KIN: variants seen among roughly 807,000 people sequenced by gnomAD.
KIN encodes the protein Kin17 DNA and RNA binding protein, also known as DNA/RNA-binding protein KIN17.
A neutral mutation model predicts 63.0 loss-of-function variants in KIN; 47 were observed. The ratio of observed to expected loss-of-function variants is 0.75; its 90% CI spans 0.59 to 0.95. The LOEUF is 0.95. KIN is among the 40% of genes least tolerant of loss of function. The pLI, the probability that KIN is intolerant of heterozygous loss-of-function variation, is 0.00. For synonymous variants in KIN, 160 were observed against 157.7 expected, an observed-to-expected ratio of 1.01 and a Z score of -0.11; for missense variants, 408 against 460.9, an observed-to-expected ratio of 0.89 and a Z score of 1.05.
chr10:7,775,857 A>G (rs376562722), intron 5 of KIN, 58 bp from the exon 6 acceptor site: 2 of 970,580 alleles, frequency 2.1e-6, no homozygotes, highest in Non-Finnish European at 3.1e-6. Context: ...TCACCATTCA[A>G]TAGGCCTAAA....
chr10:7,779,961 G>A, intron 4 of KIN, 95 bp downstream of exon 4: 2 of 1,347,516 alleles, frequency 1.5e-6, no homozygotes, highest in Non-Finnish European at 2.1e-6. Context: ...GCAAAACACT[G>A]ACCCAATTTT....
chr10:7,766,935 T>C (rs555840495), intron 8 of KIN, among the ~76,000 whole-genome samples: 1 of 151,814 alleles, frequency 6.6e-6, no homozygotes, highest in African/African-American at 2.4e-5. Flanking sequence ...GACGTGAGAA[T>C]TGCTTGAACC....
At chr10:7,768,876 G>A (rs1486241421) in intron 8 of KIN, among the ~76,000 whole-genome samples, 3 of 151,984 alleles carry the variant, frequency 2.0e-5, no homozygotes, top group African/African-American at 7.3e-5. Flanking sequence ...AATTAGCCAG[G>A]TATGGTGGCA....
In KIN at chr10:7,754,166, C is replaced by T. The variant is rs77382085; in HGVS notation, c.*1914G>A. ...GCAACATAGCAAGACCTCATCTCTA[C>T]TAAAAATCAAAAAAATTAGCCAGGC... On this transcript the variant is annotated 3_prime_UTR_variant, in exon 13 of 13. Transcript: ENST00000379562. The T allele has an allele frequency of 2.3e-6, 1 of 443,920 alleles. No individual in the cohort carries two copies. Among genetic ancestry groups the T allele is most frequent in the Non-Finnish European group, 4.5e-6 (1 of 222,014 alleles). 27.5% of individuals were successfully genotyped at this position (443,920 alleles called of 1,614,324 possible).
Position 7,761,819 on chromosome 10 carries a change from C to T in KIN, c.1018+638G>A, listed in dbSNP as rs919881867. ...GAGTCTGAGACCAGCCTGGCCAACA[C>T]AGTGAAGCCCCGTCTTTACTAAAAA... On this transcript the variant is annotated intron_variant, in intron 11 of 12. Coordinates refer to ENST00000379562, the MANE Select transcript of KIN (RefSeq NM_012311.4). Among the ~76,000 whole-genome samples, 11 of 152,074 alleles carry T rather than the reference C, an allele frequency of 7.2e-5. No homozygotes were observed. The East Asian group carries it at 1.7e-3, about 24-fold the overall frequency.
At chr10:7,777,452 T>C (rs528973199) in intron 5 of KIN, among the ~76,000 whole-genome samples, 3 of 152,312 alleles carry the variant, frequency 2.0e-5, no homozygotes, top group African/African-American at 7.2e-5. Flanking sequence ...ACACGTATAT[T>C]TGTAAAAGTT....
chr10:7,765,535 G>A (rs1564316882), intron 9 of KIN, among the ~76,000 whole-genome samples: 1 of 152,086 alleles, frequency 6.6e-6, no homozygotes, highest in Non-Finnish European at 1.5e-5. Context: ...TTAAAATATT[G>A]TTAAATGTTT....
At chr10:7,761,457 A>C (rs1282502371) in intron 11 of KIN, 1 of 152,184 alleles carries the variant, frequency 6.6e-6, no homozygotes, top group Admixed American at 6.5e-5. Flanking sequence ...CCTAAGGGGA[A>C]AAAAAGCAAA....
intron 5 of KIN, 76 bp downstream of exon 5, chr10:7,778,762 C>CA (rs1207239726): frequency 3.4e-6 from 5 of 1,473,642 alleles, no homozygotes; most frequent in South Asian, 1.2e-5. Flanking sequence ...ACAACAAAAA[C>CA]AAAAAAGAAA....
chr10:7,769,056 G>A (rs1290811326), intron 8 of KIN, among the ~76,000 whole-genome samples, 160 bp downstream of exon 8: 1 of 151,982 alleles, frequency 6.6e-6, no homozygotes, highest in Non-Finnish European at 1.5e-5. Flanking sequence ...ACCTATTTAG[G>A]GGGGCTCCAA....
chr10:7,773,094 G>C lies in KIN; in HGVS notation c.668+1737C>G, dbSNP rs559748034. Reference sequence around the variant, plus strand: ...TTGAAGATGCTCGTCTTAAATACTGGAGAGATGCAACCATGAGCCAAGTAA... The same window carrying C: ...TTGAAGATGCTCGTCTTAAATACTGCAGAGATGCAACCATGAGCCAAGTAA... On this transcript the variant is annotated intron_variant, in intron 7 of 12. Transcript: ENST00000379562. Among the ~76,000 whole-genome samples, 3 of 152,304 alleles carry C rather than the reference G, an allele frequency of 2.0e-5. No homozygotes were observed. The South Asian group carries it at 6.2e-4, about 32-fold the overall frequency.
Position 7,763,706 on chromosome 10 carries a change from T to C in KIN, c.918+17A>G, listed in dbSNP as rs1168711523. On this transcript the variant is annotated intron_variant, in intron 10 of 12. Coordinates refer to ENST00000379562, the MANE Select transcript of KIN (RefSeq NM_012311.4). The stretch of plus-strand genomic sequence containing the variant: ...AAGCTTTTTTCACAAATTCCATTCA[T>C]AATTGCACGTCCTTACCTTAACAAT... The C allele has an allele frequency of 3.6e-6, 5 of 1,398,542 alleles. No individual in the cohort carries two copies. Among genetic ancestry groups the C allele is most frequent in the Middle Eastern group, 1.8e-4 (1 of 5,584 alleles). The allele number at this position is 1,398,542 out of a possible 1,614,324, so 86.6% of individuals were successfully genotyped here. A position where few individuals can be genotyped will look rare whatever the true frequency, so the allele number is the denominator to read the frequency against.
chr10:7,759,189 G>C (rs945565537), intron 12 of KIN, among the ~76,000 whole-genome samples: 1 of 152,134 alleles, frequency 6.6e-6, no homozygotes, highest in South Asian at 2.1e-4. Flanking sequence ...AAAACTGACT[G>C]TACTGGAGAT....
At chr10:7,781,587 T>TACACACACAC (rs3036327) in intron 2 of KIN, among the ~76,000 whole-genome samples, 6,135 of 140,546 alleles carry the variant, frequency 0.044, 166 homozygotes, top group Middle Eastern at 0.081. Flanking sequence ...ACCCTGTCTC[T>TACACACACAC]ACACACACAC....
At position 7,775,733 on chromosome 10, in the gene KIN, A is replaced by C. The variant is rs987502009; in HGVS notation, c.607+18T>G. ...AGCATCTATGTTTAAAAAAAGAAAA[A>C]ATAAAAAATAAAACTACCTTTCTCT... is the stretch of plus-strand genomic sequence containing the variant. On this transcript the variant is annotated intron_variant, in intron 6 of 12. Coordinates refer to ENST00000379562, the MANE Select transcript of KIN (RefSeq NM_012311.4). The C allele has an allele frequency of 2.8e-6, 4 of 1,413,412 alleles. No homozygotes were observed. Among genetic ancestry groups the C allele is most frequent in the Non-Finnish European group, 3.9e-6 (4 of 1,031,550 alleles). The allele number at this position is 1,413,412 out of a possible 1,614,324, so 87.6% of individuals were successfully genotyped here. A position where few individuals can be genotyped will look rare whatever the true frequency, so the allele number is the denominator to read the frequency against.
chr10:7,767,047 T>C (rs1283329425), intron 8 of KIN, among the ~76,000 whole-genome samples: 1 of 116,552 alleles, frequency 8.6e-6, no homozygotes, highest in East Asian at 3.8e-4. Context: ...AACCTCATTT[T>C]AAATCCTTCA....
chr10:7,779,589 T>C (rs1445040432), intron 4 of KIN, among the ~76,000 whole-genome samples: 1 of 152,206 alleles, frequency 6.6e-6, no homozygotes, highest in Non-Finnish European at 1.5e-5. Flanking sequence ...GTACTGAACA[T>C]GCACAGACAT....
In KIN at chr10:7,780,092, T is replaced by C. The variant is rs746981454; in HGVS notation, c.340A>G (p.Thr114Ala). The change falls in exon 4 of 13, where the codon ACT (threonine) becomes GCT (alanine). Residue 114 changes from threonine (T) to alanine (A), a missense_variant. Physicochemically the swap from Thr to Ala is moderately conservative, Grantham distance 58. Transcript: ENST00000379562. The stretch of plus-strand genomic sequence containing the variant: ...AGCCACTTAGTAAAATCAGTCAGAG[T>C]TTCCCACTGAGTGGCATTCATGTGG... ...HIHMNATQWETLTDFTKWLGR... is the reference protein window; with the variant it reads ...HIHMNATQWEALTDFTKWLGR... 5.0e-6 allele frequency: 8 copies of C among 1,613,606 alleles called. No homozygotes were observed. The highest frequency in any genetic ancestry group is 1.1e-5 in the South Asian group (1 of 91,054).
chr10:7,763,851 T>C, intron 9 of KIN, 60 bp from the exon 10 acceptor site: 1 of 840,396 alleles, frequency 1.2e-6, no homozygotes, highest in Non-Finnish European at 1.9e-6. Context: ...TGTCATTTAC[T>C]TCTTCCTTTT....
Sources: allele counts gnomAD v4.1 joint callset (sites outside exome capture counted in the v4.1 genomes callset), GRCh38; gene constraint gnomAD v4.1.1; transcripts MANE v1.5; gene names NCBI Gene and HGNC (gene_info 2026-07-23, HGNC 2026-07-21).